SLC6A5: variants seen among roughly 807,000 people sequenced by gnomAD.
SLC6A5 encodes solute carrier family 6 member 5, also known as sodium- and chloride-dependent glycine transporter 2.
A neutral mutation model predicts 90.5 loss-of-function variants in SLC6A5; 58 were observed. That is an observed-to-expected ratio of 0.64 (90% CI 0.52 to 0.80). SLC6A5 has a LOEUF of 0.80. Ranked by LOEUF, SLC6A5 falls within the 30% of genes least tolerant of loss-of-function variation. The pLI is 0.00. For synonymous variants in SLC6A5, 427 were observed against 401.4 expected (o/e 1.06, Z -0.76); for missense variants, 1,015 against 1,017.6 (o/e 1.00, Z 0.03).
At chr11:20,624,017 A>G (rs1199121129) in intron 7 of SLC6A5, among the ~76,000 whole-genome samples, 1 of 152,044 alleles carries the variant, frequency 6.6e-6, no homozygotes, top group Non-Finnish European at 1.5e-5. Context: ...TTCAGGGCAG[A>G]AATCTTTGCT....
At chr11:20,654,431 T>C (rs1200732520) in intron 15 of SLC6A5, among the ~76,000 whole-genome samples, 1 of 152,238 alleles carries the variant, frequency 6.6e-6, no homozygotes, top group Admixed American at 6.5e-5. Context: ...CTTTATCCTC[T>C]ATTAATCTTG....
intron 6 of SLC6A5, among the ~76,000 whole-genome samples, chr11:20,615,678 T>C (rs948712916): frequency 1.3e-5 from 2 of 152,208 alleles, no homozygotes; most frequent in African/African-American, 4.8e-5. Context: ...TGAAATTATG[T>C]CTTAAGGGAG....
intron 7 of SLC6A5, among the ~76,000 whole-genome samples, chr11:20,620,010 G>A (rs966070156): frequency 3.9e-5 from 6 of 152,218 alleles, no homozygotes; most frequent in Non-Finnish European, 7.3e-5. Flanking sequence ...GTGGCTTGGA[G>A]CTGAGCTTGG....
chr11:20,603,248 G>A (rs1348148705), intron 2 of SLC6A5, among the ~76,000 whole-genome samples: 2 of 143,696 alleles, frequency 1.4e-5, no homozygotes, highest in Non-Finnish European at 3.2e-5. Flanking sequence ...GTGTTGGCCT[G>A]AGTGCCTGGA....
chr11:20,631,593 TGTATATTTA>T (rs1284333140), intron 10 of SLC6A5, among the ~76,000 whole-genome samples: 1 of 152,218 alleles, frequency 6.6e-6, no homozygotes, highest in Non-Finnish European at 1.5e-5. Context: ...ACAAAGGATT[TGTATATTTA>T]GTAGGTTTCA....
At chr11:20,626,579 T>G in intron 7 of SLC6A5, 129 bp from the exon 8 acceptor site, 1 of 985,440 alleles carries the variant, frequency 1.0e-6, no homozygotes, top group Non-Finnish European at 1.6e-6. Context: ...CCTGGCTGCA[T>G]TTGGGGACAA....
At chr11:20,626,256 GTTC>G (rs1457130635) in intron 7 of SLC6A5, among the ~76,000 whole-genome samples, 1 of 152,202 alleles carries the variant, frequency 6.6e-6, no homozygotes, top group African/African-American at 2.4e-5. Context: ...CTAATATCAT[GTTC>G]TTCTGACCTT....
At chr11:20,645,257 A>T (rs1016565405) in intron 13 of SLC6A5, among the ~76,000 whole-genome samples, 4 of 152,100 alleles carry the variant, frequency 2.6e-5, no homozygotes, top group African/African-American at 2.4e-5. Flanking sequence ...GAGGGCACGC[A>T]TTGAAAATAC....
chr11:20,624,733 T>C (rs1852959200), intron 7 of SLC6A5, among the ~76,000 whole-genome samples: 1 of 152,180 alleles, frequency 6.6e-6, no homozygotes, highest in African/African-American at 2.4e-5. Flanking sequence ...AGAGTGGGCC[T>C]GGATGGGAGC....
At position 20,650,956 on chromosome 11, in the gene SLC6A5, G is replaced by A. The variant is rs1014813511; in HGVS notation, c.2071-1333G>A. ...GCTGGGATTACAGGCGTGAGCCACC[G>A]CGCCCGGCCAGACGCCTGTTCTTAT... On this transcript the variant is annotated intron_variant, in intron 14 of 15. Coordinates refer to ENST00000525748, the MANE Select transcript of SLC6A5 (RefSeq NM_004211.5). Among the ~76,000 whole-genome samples, 5 of 151,484 alleles carry A rather than the reference G, an allele frequency of 3.3e-5. No individual in the cohort carries two copies. The East Asian group carries it at 5.9e-4, about 18-fold the overall frequency.
chr11:20,643,901 T>A (rs1853360740), intron 13 of SLC6A5, among the ~76,000 whole-genome samples: 1 of 152,162 alleles, frequency 6.6e-6, no homozygotes, highest in South Asian at 2.1e-4. Flanking sequence ...CTGAGCTTGG[T>A]AGGAAGTAAA....
intron 3 of SLC6A5, among the ~76,000 whole-genome samples, chr11:20,605,006 T>TG (rs961684758): frequency 2.6e-5 from 4 of 152,108 alleles, no homozygotes; most frequent in African/African-American, 7.2e-5. Flanking sequence ...TGCCCTAAAT[T>TG]GGGGGAAGGT....
rs114437283 is a variant in SLC6A5, at chr11:20,630,888, A to G, written c.1624+73A>G. 1.7e-3 allele frequency: 2,681 copies of G among 1,561,278 alleles called. 33 individuals are homozygous for G. In the African/African-American group the frequency reaches 0.032, roughly 19 times the overall value. Reference sequence around the variant, plus strand: ...ATGTCACAAGCTCCTAATTTAGACTATGCTGGGAAGCTGGCCTTCTGGAAC... The same window carrying G: ...ATGTCACAAGCTCCTAATTTAGACTGTGCTGGGAAGCTGGCCTTCTGGAAC... On this transcript the variant is annotated intron_variant, in intron 10 of 15. Coordinates refer to ENST00000525748, the MANE Select transcript of SLC6A5 (RefSeq NM_004211.5).
chr11:20,652,207 T>G (rs1853546800), intron 14 of SLC6A5, 82 bp from the exon 15 acceptor site: 1 of 1,280,150 alleles, frequency 7.8e-7, no homozygotes, highest in Admixed American at 1.7e-5. Context: ...AGCATCAAAC[T>G]CATAACGGGG....
At position 20,652,327 on chromosome 11, in the gene SLC6A5, G is replaced by A; in HGVS notation, c.2109G>A (p.Met703Ile). The A allele has an allele frequency of 6.2e-7, 1 of 1,614,154 alleles. No individual in the cohort carries two copies. Among genetic ancestry groups the A allele is most frequent in the Non-Finnish European group, 8.5e-7 (1 of 1,180,012 alleles). ...LCFSFYQWEP[M>I]TYGSYRYPNW... ...TCAGCTTTTACCAGTGGGAGCCCAT[G>A]ACCTATGGCTCTTACCGCTATCCTA... Residue 703 changes from methionine to isoleucine, a missense_variant, in exon 15 of 16, where the codon ATG becomes ATA. By Grantham distance (10) the Met-to-Ile change is conservative (BLOSUM62 1). Transcript: ENST00000525748.
chr11:20,601,513 G>C lies in SLC6A5; in HGVS notation c.388G>C (p.Gly130Arg). ...CKIPFLRGPE[G>R]DANVSVGKGT... ...GATCCCTTTTCTGCGAGGCCCGGAG[G>C]GGGATGCGAACGTGAGTGTGGGCAA... The change falls in exon 2 of 16, where the codon GGG becomes CGG. Residue 130 changes from glycine (G) to arginine (R), a missense_variant. Physicochemically the swap from Gly to Arg is moderately radical, Grantham distance 125. This residue lies in a region of SLC6A5 where 567 missense variants were observed against 507.3 expected (regional missense o/e 1.12). Transcript: ENST00000525748. The C allele has an allele frequency of 1.9e-6, 3 of 1,614,110 alleles. No homozygotes were observed. The highest frequency in any genetic ancestry group is 2.5e-6 in the Non-Finnish European group (3 of 1,179,982).
At chr11:20,634,175 T>C (rs1853160649) in intron 10 of SLC6A5, among the ~76,000 whole-genome samples, 1 of 152,102 alleles carries the variant, frequency 6.6e-6, no homozygotes, top group Non-Finnish European at 1.5e-5. Flanking sequence ...TGGCTGCCAG[T>C]TTTTTAATCC....
chr11:20,642,601 C>T (rs139044798), intron 13 of SLC6A5, among the ~76,000 whole-genome samples: 1,596 of 152,292 alleles, frequency 0.01, 18 homozygotes, highest in Non-Finnish European at 0.017. Context: ...CCCTCTTGCC[C>T]ATGCTCAAGG....
intron 11 of SLC6A5, 147 bp from the exon 12 acceptor site, chr11:20,637,025 G>C (rs1211066877): frequency 8.6e-6 from 7 of 810,284 alleles, no homozygotes; most frequent in Non-Finnish European, 1.5e-5. Context: ...CCCCAAGGAG[G>C]CTTTTTAGAC....
Sources: gnomAD v4.1 joint callset for allele counts (sites outside exome capture counted in the v4.1 genomes callset) on GRCh38, gnomAD v4.1.1 for gene constraint, gnomAD v4.1.1 regional missense constraint, MANE v1.5 for transcripts, NCBI Gene and HGNC (gene_info 2026-07-23, HGNC 2026-07-21) for gene names.